Variants in GPR158 observed in about 807,000 individuals in gnomAD.
The protein encoded by GPR158 is metabotropic glycine receptor.
GPR158 carries 30 observed loss-of-function variants against 78.2 expected under a neutral mutation model. The ratio of observed to expected loss-of-function variants is 0.38; its 90% CI spans 0.29 to 0.52. The LOEUF is 0.52. Among genes scored for constraint, GPR158 ranks in the 20% least tolerant of loss-of-function variants. The probability of loss-of-function intolerance (pLI) is 0.83; values close to 1 mark genes in which losing one functional copy is unlikely to be tolerated. For synonymous variants in GPR158, 581 were observed against 591.1 expected, an observed-to-expected ratio of 0.98 and a Z score of 0.25; for missense variants, 1,463 against 1,523.5, an observed-to-expected ratio of 0.96 and a Z score of 0.66.
chr10:25,379,825 A>C (rs1287053243), intron 2 of GPR158, among the ~76,000 whole-genome samples: 1 of 151,618 alleles, frequency 6.6e-6, no homozygotes, highest in Non-Finnish European at 1.5e-5. Context: ...GTCTTCCCCC[A>C]GTGCTTCATA....
In GPR158 at chr10:25,199,019, G is replaced by T. The variant is rs141326152; in HGVS notation, c.903-22033G>T. On this transcript the variant is annotated intron_variant, in intron 1 of 10. Transcript: ENST00000376351. ...TCTAATCAGGTTGCCAATATTTAGAGAATTCGCTTTAAGTTTTAGAAATAA... is the reference window on the plus strand; with the variant it reads ...TCTAATCAGGTTGCCAATATTTAGATAATTCGCTTTAAGTTTTAGAAATAA... 1.8e-4 allele frequency among the ~76,000 whole-genome samples: 23 copies of T among 128,334 alleles called. No individual in the cohort carries two copies. The East Asian group carries it at 5.8e-3, about 32-fold the overall frequency. The allele number at this position is 128,334 out of a possible 152,430, so 84.2% of individuals were successfully genotyped here.
intron 6 of GPR158, among the ~76,000 whole-genome samples, chr10:25,559,480 A>G (rs1303169126): frequency 6.6e-6 from 1 of 152,192 alleles, no homozygotes; most frequent in Non-Finnish European, 1.5e-5. Flanking sequence ...TCTAAAGAAA[A>G]AAATATTAGG....
intron 1 of GPR158, among the ~76,000 whole-genome samples, chr10:25,201,554 A>G (rs1274549010): frequency 6.6e-6 from 1 of 152,022 alleles, no homozygotes; most frequent in East Asian, 1.9e-4. Flanking sequence ...CAGTGTTGTG[A>G]GTGGGCATCT....
intron 6 of GPR158, among the ~76,000 whole-genome samples, chr10:25,568,458 A>G (rs1836961949): frequency 6.6e-6 from 1 of 152,178 alleles, no homozygotes; most frequent in African/African-American, 2.4e-5. Flanking sequence ...GTAGGAAGAG[A>G]GAACTAGGAA....
intron 4 of GPR158, among the ~76,000 whole-genome samples, chr10:25,450,126 C>A (rs942257743): frequency 7.2e-5 from 11 of 152,034 alleles, no homozygotes; most frequent in Non-Finnish European, 1.3e-4. Context: ...GAAACTTAGA[C>A]CTGAGGACTA....
At chr10:25,348,598 C>A (rs111505083) in intron 2 of GPR158, among the ~76,000 whole-genome samples, 1 of 151,884 alleles carries the variant, frequency 6.6e-6, no homozygotes, top group South Asian at 2.1e-4. Context: ...CATTCTACAA[C>A]ATCAGGAAAT....
intron 2 of GPR158, among the ~76,000 whole-genome samples, chr10:25,345,569 A>G (rs1476797975): frequency 6.6e-6 from 1 of 152,032 alleles, no homozygotes; most frequent in Non-Finnish European, 1.5e-5. Flanking sequence ...TACCAGCCCT[A>G]TTCTCATATC....
intron 1 of GPR158, among the ~76,000 whole-genome samples, chr10:25,183,662 C>G (rs781725852): frequency 6.6e-6 from 1 of 152,120 alleles, no homozygotes; most frequent in Non-Finnish European, 1.5e-5. Flanking sequence ...ATGACTAAAA[C>G]AAGACAATGT....
intron 7 of GPR158, among the ~76,000 whole-genome samples, chr10:25,573,194 C>T (rs1035034220): frequency 6.6e-6 from 1 of 152,162 alleles, no homozygotes. Context: ...TTATCAATTG[C>T]TCCCCATTTG....
chr10:25,373,624 C>A (rs1182806568), intron 2 of GPR158, among the ~76,000 whole-genome samples: 1 of 151,856 alleles, frequency 6.6e-6, no homozygotes, highest in Non-Finnish European at 1.5e-5. Flanking sequence ...GTCATATTTA[C>A]ATTATCATTT....
chr10:25,559,370 T>C (rs1836832332), intron 6 of GPR158, among the ~76,000 whole-genome samples: 1 of 152,188 alleles, frequency 6.6e-6, no homozygotes, highest in African/African-American at 2.4e-5. Context: ...GACACTCTCA[T>C]ATTATGCTGG....
chr10:25,467,313 G>T (rs1331349245), intron 5 of GPR158, among the ~76,000 whole-genome samples: 1 of 152,144 alleles, frequency 6.6e-6, no homozygotes, highest in African/African-American at 2.4e-5. Flanking sequence ...AGAGACAATA[G>T]ATGACAGATG....
chr10:25,391,519 CCTG>C (rs1455878061), intron 2 of GPR158, among the ~76,000 whole-genome samples: 6 of 152,108 alleles, frequency 3.9e-5, no homozygotes, highest in African/African-American at 1.4e-4. Flanking sequence ...ATTTGACTGT[CCTG>C]CTGGATTTTA....
chr10:25,306,419 C>T (rs1407971088), intron 2 of GPR158, among the ~76,000 whole-genome samples: 1 of 152,106 alleles, frequency 6.6e-6, no homozygotes, highest in Admixed American at 6.6e-5. Context: ...AAAACTGTGA[C>T]CCAAAGAGAC....
intron 2 of GPR158, among the ~76,000 whole-genome samples, chr10:25,383,149 C>G (rs1225476615): frequency 6.6e-6 from 1 of 152,090 alleles, no homozygotes; most frequent in Non-Finnish European, 1.5e-5. Flanking sequence ...TGAGAAGATT[C>G]AACGTTTTAA....
intron 2 of GPR158, among the ~76,000 whole-genome samples, chr10:25,288,360 G>A (rs565811145): frequency 6.6e-6 from 1 of 152,184 alleles, no homozygotes; most frequent in African/African-American, 2.4e-5. Context: ...TTACAAGTGA[G>A]AAATTTTAAA....
At chr10:25,411,929 A>G (rs1424233989) in intron 3 of GPR158, among the ~76,000 whole-genome samples, 16 of 79,832 alleles carry the variant, frequency 2.0e-4, no homozygotes, top group African/African-American at 7.6e-4. Flanking sequence ...GCGAGACTCT[A>G]TCACAAAAAA....
At chr10:25,284,722 G>T (rs1029160506) in intron 2 of GPR158, among the ~76,000 whole-genome samples, 1 of 150,954 alleles carries the variant, frequency 6.6e-6, no homozygotes, top group African/African-American at 2.4e-5. Flanking sequence ...TTAAAAAGTT[G>T]GGTGTTATTA....
intron 2 of GPR158, among the ~76,000 whole-genome samples, chr10:25,373,957 G>A (rs1024539866): frequency 6.6e-6 from 1 of 151,492 alleles, no homozygotes; most frequent in African/African-American, 2.4e-5. Context: ...TGATTAGGTT[G>A]TTCAAATCTT....
Sources: gnomAD v4.1 joint callset for allele counts (sites outside exome capture counted in the v4.1 genomes callset) on GRCh38, gnomAD v4.1.1 for gene constraint, MANE v1.5 for transcripts, NCBI Gene and HGNC (gene_info 2026-07-23, HGNC 2026-07-21) for gene names.